The following NR5A1 variants were observed in gnomAD, a reference collection of about 807,000 sequenced individuals.
The protein encoded by NR5A1 is nuclear receptor subfamily 5 group A member 1.
Under a neutral mutation model 42.7 loss-of-function variants are expected in NR5A1, and 6 were observed. The observed-to-expected ratio is 0.14, with a 90% CI of 0.08 to 0.28. The LOEUF (loss-of-function observed/expected upper bound fraction) is 0.28, where lower values mean the gene tolerates loss of function less well. Ranked by LOEUF, NR5A1 falls within the 10% of genes least tolerant of loss-of-function variation. NR5A1 has a pLI of 1.00. For synonymous variants in NR5A1, 274 were observed against 277.5 expected, an observed-to-expected ratio of 0.99 and a Z score of 0.12; for missense variants, 442 against 626.4, an observed-to-expected ratio of 0.71 and a Z score of 3.14.
chr9:124,496,744 G>T lies in NR5A1; in HGVS notation c.870+3346C>A, dbSNP rs1233433820. ...CGCTTAAATGAAACCGTCTATCTGGGCAGTTAAATCTGCTGTCAGTGGGGG... is the reference window on the plus strand; with the variant it reads ...CGCTTAAATGAAACCGTCTATCTGGTCAGTTAAATCTGCTGTCAGTGGGGG... On this transcript the variant is annotated intron_variant, in intron 4 of 6. Transcript: ENST00000373588. This position sits in a 1 kb window ranked among gnomAD's most constrained non-coding sequence, Gnocchi z 5.0. Among the ~76,000 whole-genome samples the T allele has an allele frequency of 6.6e-6, 1 of 152,210 alleles. No individual in the cohort carries two copies. Among genetic ancestry groups the T allele is most frequent in the Non-Finnish European group, 1.5e-5 (1 of 68,034 alleles).
intron 1 of NR5A1, among the ~76,000 whole-genome samples, chr9:124,506,362 AC>A (rs955675848): frequency 6.6e-6 from 1 of 151,824 alleles, no homozygotes; most frequent in Non-Finnish European, 1.5e-5. Context: ...TGTTAATCGT[AC>A]CCCCCGCACC....
At chr9:124,492,898 G>A in intron 5 of NR5A1, 132 bp downstream of exon 5, 1 of 1,131,814 alleles carries the variant, frequency 8.8e-7, no homozygotes. Flanking sequence ...TGAACGTGGG[G>A]AAAGGGCTGA....
chr9:124,501,496 C>T lies in NR5A1; in HGVS notation c.245-781G>A, dbSNP rs1017598370. Among the ~76,000 whole-genome samples, 1 of 152,214 alleles carries T rather than the reference C, an allele frequency of 6.6e-6. No individual in the cohort carries two copies. Among genetic ancestry groups the T allele is most frequent in the African/African-American group, 2.4e-5 (1 of 41,452 alleles). On this transcript the variant is annotated intron_variant, in intron 3 of 6. Coordinates refer to ENST00000373588, the MANE Select transcript of NR5A1 (RefSeq NM_004959.5). The surrounding 1 kb of genome is among the most constrained non-coding windows in gnomAD (Gnocchi z 4.1). ...CATCTCTGCAGCTGGAGTGTGCCCC[C>T]CGCCCCTGCTCAGACAGGGCCCCAC...
intron 1 of NR5A1, 126 bp downstream of exon 1, chr9:124,507,122 CA>C (rs1414823454): frequency 6.6e-6 from 1 of 152,516 alleles, no homozygotes; most frequent in African/African-American, 2.4e-5. Context: ...AGACCCCTGG[CA>C]CCTTCCCTGC....
At chr9:124,504,192 C>T (rs1161097349) in intron 1 of NR5A1, among the ~76,000 whole-genome samples, 1 of 152,086 alleles carries the variant, frequency 6.6e-6, no homozygotes, top group Non-Finnish European at 1.5e-5. Flanking sequence ...ACAGAGACGC[C>T]GAGACGAGAG....
At position 124,498,477 on chromosome 9, in the gene NR5A1, G is replaced by A. The variant is rs779332780; in HGVS notation, c.870+1613C>T. ...CTTCCCATCCTGCGTGAAAATCCCCGGGAGACTAGGAAGGCAGCCAGAGGA... is the reference window on the plus strand; with the variant it reads ...CTTCCCATCCTGCGTGAAAATCCCCAGGAGACTAGGAAGGCAGCCAGAGGA... On this transcript the variant is annotated intron_variant, in intron 4 of 6. Transcript: ENST00000373588. This position sits in a 1 kb window ranked among gnomAD's most constrained non-coding sequence, Gnocchi z 4.6. Among the ~76,000 whole-genome samples, 2 of 152,158 alleles carry A rather than the reference G, an allele frequency of 1.3e-5. No homozygotes were observed. The highest frequency in any genetic ancestry group is 2.4e-5 in the African/African-American group (1 of 41,424).
At position 124,503,133 on chromosome 9, in the gene NR5A1, G is replaced by T. The variant is rs1264797523; in HGVS notation, c.190C>A (p.Arg64Ser). 2 of 1,597,060 alleles carry T rather than the reference G, an allele frequency of 1.3e-6. No individual in the cohort carries two copies. The highest frequency in any genetic ancestry group is 2.3e-5 in the South Asian group (2 of 88,420). The change falls in exon 3 of 7, where the codon CGC (arginine) becomes AGC (serine). Residue 64 changes from arginine (R) to serine (S), a missense_variant. Coordinates refer to ENST00000373588, the MANE Select transcript of NR5A1 (RefSeq NM_004959.5). This position sits in a 1 kb window ranked among gnomAD's most constrained non-coding sequence, Gnocchi z 9.6. ...SCKIDKTQRK[R>S]CPFCRFQKCL... Reference sequence around the variant, plus strand: ...TTCTGGAAGCGGCAGAAGGGACAGCGCTTGCGCTGCGTCTTGTCGATCTTG... The same window carrying T: ...TTCTGGAAGCGGCAGAAGGGACAGCTCTTGCGCTGCGTCTTGTCGATCTTG...
chr9:124,497,600 T>G (rs1832406543), intron 4 of NR5A1, among the ~76,000 whole-genome samples: 1 of 152,100 alleles, frequency 6.6e-6, no homozygotes, highest in African/African-American at 2.4e-5. Context: ...GAGGGCTGAG[T>G]GGGCCTCTGC....
chr9:124,503,504 C>G lies in NR5A1; in HGVS notation c.-15-94G>C. 1 of 1,021,840 alleles carries G rather than the reference C, an allele frequency of 9.8e-7. No homozygotes were observed. The allele number at this position is 1,021,840 out of a possible 1,614,324, so 63.3% of individuals were successfully genotyped here. A position where few individuals can be genotyped will look rare whatever the true frequency, so the allele number is the denominator to read the frequency against. ...CCCAGCCGCTGTCGCCGGCCCGTCG[C>G]GTAATCCCCTCTCTGTGCCCAGGCG... On this transcript the variant is annotated intron_variant, in intron 1 of 6. Transcript: ENST00000373588. The surrounding 1 kb of genome is among the most constrained non-coding windows in gnomAD (Gnocchi z 9.6).
Position 124,503,901 on chromosome 9 carries a change from G to A in NR5A1, c.-15-491C>T, listed in dbSNP as rs929713444. Among the ~76,000 whole-genome samples, 1 of 152,082 alleles carries A rather than the reference G, an allele frequency of 6.6e-6. No homozygotes were observed. The highest frequency in any genetic ancestry group is 1.5e-5 in the Non-Finnish European group (1 of 68,020). ...GAAACTCTGGCGAGAGACAACGACC[G>A]ACGCCACCGGGCGCAGACACGAGGC... On this transcript the variant is annotated intron_variant, in intron 1 of 6. Transcript: ENST00000373588. This position sits in a 1 kb window ranked among gnomAD's most constrained non-coding sequence, Gnocchi z 9.6.
rs1387520751 is a variant in NR5A1 at position 124,491,148 on chromosome 9, C to A, written c.1071G>T (p.Gln357His). 4.3e-6 allele frequency: 7 copies of A among 1,609,216 alleles called. No homozygotes were observed. The highest frequency in any genetic ancestry group is 5.9e-6 in the Non-Finnish European group (7 of 1,178,596). The change falls in exon 6 of 7, where the codon CAG becomes CAT. Residue 357 changes from glutamine to histidine, a missense_variant. By Grantham distance (24) the Gln-to-His change is conservative. Transcript: ENST00000373588. ...LVLRAQELVL[Q>H]LLALQLDRQE... is the part of the protein sequence containing the mutation. ...GCCGGTCCAGCTGCAGCGCAAGCAG[C>A]TGCAGCACCAGCTCCTGCGCCCGCA...
In NR5A1 at chr9:124,500,476, C is replaced by T; in HGVS notation, c.484G>A (p.Gly162Ser). The T allele has an allele frequency of 6.3e-7, 1 of 1,599,096 alleles. No homozygotes were observed. Among genetic ancestry groups the T allele is most frequent in the Non-Finnish European group, 8.5e-7 (1 of 1,174,962 alleles). ...LAAGPPAGPL[G>S]DFGAPALPMA... ...GGCAGTGCTGGGGCCCCAAAGTCGCCCAGTGGCCCAGCAGGTGGACCGGCG... is the reference window on the plus strand; with the variant it reads ...GGCAGTGCTGGGGCCCCAAAGTCGCTCAGTGGCCCAGCAGGTGGACCGGCG... Residue 162 changes from glycine to serine, a missense_variant, in exon 4 of 7, where the codon GGC (glycine) becomes AGC (serine). Gly to Ser is a moderately conservative substitution (Grantham distance 56). Transcript: ENST00000373588. This position sits in a 1 kb window ranked among gnomAD's most constrained non-coding sequence, Gnocchi z 6.9.
At chr9:124,495,243 A>C (rs1832373053) in intron 4 of NR5A1, among the ~76,000 whole-genome samples, 1 of 152,196 alleles carries the variant, frequency 6.6e-6, no homozygotes, top group South Asian at 2.1e-4. Context: ...AGGCCTGGGC[A>C]GGGGCTGACT....
At chr9:124,506,611 G>A (rs1251096261) in intron 1 of NR5A1, among the ~76,000 whole-genome samples, 1 of 152,178 alleles carries the variant, frequency 6.6e-6, no homozygotes, top group Non-Finnish European at 1.5e-5. Flanking sequence ...GGTGGGGGCT[G>A]GGCTCAGGCC....
intron 4 of NR5A1, among the ~76,000 whole-genome samples, chr9:124,494,546 G>A (rs1832360059): frequency 6.6e-6 from 1 of 152,228 alleles, no homozygotes. Context: ...ATACCTGTGA[G>A]GTCTGGGGAG....
At chr9:124,495,820 G>A (rs952086212) in intron 4 of NR5A1, among the ~76,000 whole-genome samples, 2 of 152,204 alleles carry the variant, frequency 1.3e-5, no homozygotes, top group Admixed American at 1.3e-4. Flanking sequence ...CCTGGATGGG[G>A]CAGCCCTGCC....
chr9:124,504,466 C>A (rs907635617), intron 1 of NR5A1, among the ~76,000 whole-genome samples: 1 of 151,970 alleles, frequency 6.6e-6, no homozygotes, highest in African/African-American at 2.4e-5. Context: ...GCCGCAGCAG[C>A]GACGGCAACG....
chr9:124,502,368 C>T (rs1230135462), intron 3 of NR5A1, among the ~76,000 whole-genome samples: 4 of 152,106 alleles, frequency 2.6e-5, no homozygotes, highest in Middle Eastern at 3.2e-3. Flanking sequence ...GTTTCCCTCT[C>T]GCCCAGGCTG....
intron 3 of NR5A1, 81 bp downstream of exon 3, chr9:124,502,997 TC>T: frequency 6.7e-7 from 1 of 1,497,240 alleles, no homozygotes; most frequent in Non-Finnish European, 8.9e-7. Context: ...AATGGTACTA[TC>T]CCCTCAGCCC....
Sources: gnomAD v4.1 joint callset for allele counts (sites outside exome capture counted in the v4.1 genomes callset) on GRCh38, gnomAD v4.1.1 for gene constraint, Gnocchi (gnomAD v3.1) non-coding constraint, MANE v1.5 for transcripts, NCBI Gene and HGNC (gene_info 2026-07-23, HGNC 2026-07-21) for gene names.